The following PSKH1 variants were observed in gnomAD, a reference collection of about 807,000 sequenced individuals.
PSKH1 encodes serine/threonine-protein kinase H1.
A neutral mutation model predicts 26.7 loss-of-function variants in PSKH1; 12 were observed. The ratio of observed to expected loss-of-function variants is 0.45; its 90% CI spans 0.29 to 0.73. The LOEUF (loss-of-function observed/expected upper bound fraction) is 0.73, where lower values mean the gene tolerates loss of function less well. PSKH1 is among the 30% of genes least tolerant of loss of function. The probability of loss-of-function intolerance (pLI) is 0.11; values close to 1 mark genes in which losing one functional copy is unlikely to be tolerated. For synonymous variants in PSKH1, 213 were observed against 234.3 expected, an observed-to-expected ratio of 0.91 and a Z score of 0.83; for missense variants, 431 against 595.2, an observed-to-expected ratio of 0.72 and a Z score of 2.87.
chr16:67,917,214 G>T (rs1031770199), intron 2 of PSKH1, among the ~76,000 whole-genome samples: 5 of 152,210 alleles, frequency 3.3e-5, no homozygotes, highest in African/African-American at 7.2e-5. Context: ...ACTGAGGATG[G>T]TGAGGTTACA....
At position 67,908,913 on chromosome 16, in the gene PSKH1, C is replaced by G. The variant is rs1482769126; in HGVS notation, c.164C>G (p.Ala55Gly). Reference protein sequence around the residue: ...VGPVKAGFPAASQYAHPCPGP... With the variant: ...VGPVKAGFPAGSQYAHPCPGP... ...CCTGTCAAAGCCGGGTTCCCAGCAG[C>G]AAGTCAGTATGCACACCCCTGCCCC... Residue 55 changes from alanine to glycine, a missense_variant, in exon 2 of 3, where the codon GCA becomes GGA. By Grantham distance (60) the Ala-to-Gly change is moderately conservative. Transcript: ENST00000291041. 7.4e-6 allele frequency: 12 copies of G among 1,614,010 alleles called. No homozygotes were observed. The Admixed American group carries it at 2.0e-4, about 27-fold the overall frequency.
intron 1 of PSKH1, among the ~76,000 whole-genome samples, chr16:67,906,362 G>A (rs1414399541): frequency 1.3e-5 from 2 of 148,426 alleles, no homozygotes; most frequent in East Asian, 2.0e-4. Flanking sequence ...GTGAGCCTCC[G>A]CGCCCAGCCT....
chr16:67,927,220 C>A lies in PSKH1; in HGVS notation c.958-105C>A. The A allele has an allele frequency of 8.4e-7, 1 of 1,193,014 alleles. No individual in the cohort carries two copies. The highest frequency in any genetic ancestry group is 1.2e-6 in the Non-Finnish European group (1 of 846,296). The allele number at this position is 1,193,014 out of a possible 1,614,324, so 73.9% of individuals were successfully genotyped here. A position where few individuals can be genotyped will look rare whatever the true frequency, so the allele number is the denominator to read the frequency against. ...CCCAAGTGCTACATGAGAGGAGGGG[C>A]AGCACCTCTCTCTGGAAAGGGGAGG... is the stretch of plus-strand genomic sequence containing the variant. On this transcript the variant is annotated intron_variant, in intron 2 of 2. Transcript: ENST00000291041. The surrounding 1 kb of genome is among the most constrained non-coding windows in gnomAD (Gnocchi z 5.5).
chr16:67,908,113 C>A (rs1166684080), intron 1 of PSKH1, among the ~76,000 whole-genome samples: 2 of 152,190 alleles, frequency 1.3e-5, no homozygotes, highest in African/African-American at 4.8e-5. Flanking sequence ...TGCCCCCTCT[C>A]AGGGTTGAAG....
chr16:67,907,282 A>G (rs1296472701), intron 1 of PSKH1, among the ~76,000 whole-genome samples: 4 of 146,462 alleles, frequency 2.7e-5, no homozygotes, highest in Non-Finnish European at 6.0e-5. Context: ...TTTTTTTGAC[A>G]TGGAGTCTCA....
chr16:67,921,135 G>T (rs529175306), intron 2 of PSKH1, among the ~76,000 whole-genome samples: 1 of 152,066 alleles, frequency 6.6e-6, no homozygotes, highest in Non-Finnish European at 1.5e-5. Flanking sequence ...AAAATTAGCT[G>T]GGCATTGTGG....
Position 67,908,985 on chromosome 16 carries a change from G to T in PSKH1, c.236G>T (p.Arg79Leu), listed in dbSNP as rs1341567923. Reference sequence around the variant, plus strand: ...ACGGAGCCTCCCTCAGAACCACCACGCAGGGCCAGGGTAGCTAAGTACAGG... The same window carrying T: ...ACGGAGCCTCCCTCAGAACCACCACTCAGGGCCAGGGTAGCTAAGTACAGG... ...GHTEPPSEPP[R>L]RARVAKYRAK... The change falls in exon 2 of 3, where the codon CGC (arginine) becomes CTC (leucine). Residue 79 changes from arginine to leucine, a missense_variant. Coordinates refer to ENST00000291041, the MANE Select transcript of PSKH1 (RefSeq NM_006742.3). The T allele has an allele frequency of 1.9e-6, 3 of 1,613,960 alleles. No homozygotes were observed. The highest frequency in any genetic ancestry group is 2.2e-5 in the East Asian group (1 of 44,872).
At chr16:67,902,727 C>T (rs2058145432) in intron 1 of PSKH1, among the ~76,000 whole-genome samples, 1 of 152,136 alleles carries the variant, frequency 6.6e-6, no homozygotes, top group South Asian at 2.1e-4. Flanking sequence ...ATCTAGGGTT[C>T]TGCTTCTTCA....
chr16:67,927,827 G>T lies in PSKH1; in HGVS notation c.*185G>T. The T allele has an allele frequency of 5.6e-6, 4 of 714,722 alleles. No individual in the cohort carries two copies. The South Asian group carries it at 7.8e-5, about 14-fold the overall frequency. 44.3% of individuals were successfully genotyped at this position (714,722 alleles called of 1,614,324 possible). On this transcript the variant is annotated 3_prime_UTR_variant, in exon 3 of 3. Coordinates refer to ENST00000291041, the MANE Select transcript of PSKH1 (RefSeq NM_006742.3). This position sits in a 1 kb window ranked among gnomAD's most constrained non-coding sequence, Gnocchi z 5.5. The stretch of plus-strand genomic sequence containing the variant: ...CTCACCATGGGCCTGGGCCAGGTGT[G>T]ACAGAGTAGAGGTAGCACAGGGGGC...
chr16:67,922,947 C>CG (rs796722566), intron 2 of PSKH1, among the ~76,000 whole-genome samples: 10 of 152,328 alleles, frequency 6.6e-5, no homozygotes, highest in African/African-American at 2.4e-4. Context: ...AGAGAGCTGG[C>CG]GCTGTTCTTT....
chr16:67,912,725 G>A (rs1408700587), intron 2 of PSKH1, among the ~76,000 whole-genome samples: 2 of 152,078 alleles, frequency 1.3e-5, no homozygotes, highest in African/African-American at 2.4e-5. Flanking sequence ...AAAATTAGCC[G>A]GGCGTGGTGG....
At chr16:67,915,977 T>C (rs1330342762) in intron 2 of PSKH1, among the ~76,000 whole-genome samples, 1 of 152,222 alleles carries the variant, frequency 6.6e-6, no homozygotes, top group East Asian at 1.9e-4. Flanking sequence ...TGAACCCGCA[T>C]TGGCAGACAC....
chr16:67,903,549 C>T (rs1245441335), intron 1 of PSKH1, among the ~76,000 whole-genome samples: 1 of 151,876 alleles, frequency 6.6e-6, no homozygotes, highest in Non-Finnish European at 1.5e-5. Context: ...CTCACTGCAA[C>T]CTCCGCCTCC....
intron 1 of PSKH1, among the ~76,000 whole-genome samples, chr16:67,905,043 G>A (rs1034446879): frequency 6.6e-6 from 1 of 150,982 alleles, no homozygotes; most frequent in South Asian, 2.1e-4. Context: ...AGCCAGGATG[G>A]TCTCGATCTC....
intron 1 of PSKH1, among the ~76,000 whole-genome samples, chr16:67,898,685 G>A (rs563846752): frequency 8.0e-5 from 12 of 149,336 alleles, no homozygotes; most frequent in Admixed American, 7.4e-4. Context: ...GTGCAGTGGC[G>A]CGATCTCAGC....
chr16:67,905,272 G>C (rs1316448986), intron 1 of PSKH1, among the ~76,000 whole-genome samples: 1 of 152,026 alleles, frequency 6.6e-6, no homozygotes, highest in African/African-American at 2.4e-5. Flanking sequence ...CACTTGTGTT[G>C]CTCTCCATAA....
intron 2 of PSKH1, among the ~76,000 whole-genome samples, chr16:67,917,352 C>T (rs977336573): frequency 1.3e-4 from 20 of 152,230 alleles, no homozygotes; most frequent in Non-Finnish European, 2.2e-4. Context: ...TGCCTCAGCA[C>T]GTTGCTGGTT....
rs375099863 is a variant in PSKH1, at chr16:67,909,637, G to A, written c.888G>A (p.Pro296=). 2.5e-5 allele frequency: 40 copies of A among 1,613,918 alleles called. No individual in the cohort carries two copies. The highest frequency in any genetic ancestry group is 1.1e-4 in the African/African-American group (8 of 75,058). Residue 296 remains proline (P), a synonymous_variant, in exon 2 of 3, where the codon CCG becomes CCA. Transcript: ENST00000291041. This position sits in a 1 kb window ranked among gnomAD's most constrained non-coding sequence, Gnocchi z 7.8. ...IAYILLSGTM[P]FEDDNRTRLY... is the part of the protein sequence containing the mutation. The stretch of plus-strand genomic sequence containing the variant: ...ACATCCTACTCAGTGGCACCATGCC[G>A]TTTGAGGATGACAACCGTACCCGGC...
At chr16:67,918,901 C>A (rs2058194714) in intron 2 of PSKH1, among the ~76,000 whole-genome samples, 1 of 152,122 alleles carries the variant, frequency 6.6e-6, no homozygotes, top group Non-Finnish European at 1.5e-5. Context: ...CTCCCCACTT[C>A]TTAAAGTGAC....
Sources: gnomAD v4.1 joint callset for allele counts (sites outside exome capture counted in the v4.1 genomes callset) on GRCh38, gnomAD v4.1.1 for gene constraint, Gnocchi (gnomAD v3.1) non-coding constraint, MANE v1.5 for transcripts, NCBI Gene and HGNC (gene_info 2026-07-23, HGNC 2026-07-21) for gene names.